Variants in CNTLN observed in about 807,000 individuals in gnomAD.
CNTLN encodes centlein, centrosomal protein.
CNTLN carries 212 observed loss-of-function variants against 180.0 expected under a neutral mutation model. The ratio of observed to expected loss-of-function variants is 1.18; its 90% CI spans 1.05 to 1.32. CNTLN has a LOEUF of 1.32. Among genes scored for constraint, CNTLN ranks in the 40% most tolerant of loss-of-function variants. CNTLN has a pLI of 0.00. For missense variants in CNTLN, 2,095 were observed against 1,610.9 expected (o/e 1.30, Z -5.14); for synonymous variants, 722 against 563.1 (o/e 1.28, Z -3.99).
At chr9:17,347,710 A>C (rs543832193) in intron 12 of CNTLN, among the ~76,000 whole-genome samples, 1 of 151,980 alleles carries the variant, frequency 6.6e-6, no homozygotes, top group South Asian at 2.1e-4. Context: ...GAAAAAGAAA[A>C]TGTATTGAAT....
At chr9:17,188,691 C>T (rs1821591070) in intron 2 of CNTLN, among the ~76,000 whole-genome samples, 1 of 152,048 alleles carries the variant, frequency 6.6e-6, no homozygotes, top group African/African-American at 2.4e-5. Context: ...CTGTTCATCC[C>T]TTCTAGTATA....
intron 3 of CNTLN, among the ~76,000 whole-genome samples, chr9:17,231,870 C>G (rs1368070772): frequency 1.3e-5 from 2 of 150,356 alleles, no homozygotes; most frequent in Non-Finnish European, 3.0e-5. Flanking sequence ...TCTTGTTACT[C>G]TGTAGACTTC....
chr9:17,232,372 G>T (rs1434875333), intron 3 of CNTLN, among the ~76,000 whole-genome samples: 10 of 151,862 alleles, frequency 6.6e-5, no homozygotes, highest in Admixed American at 6.6e-4. Context: ...GATTGAGTCT[G>T]TGTTTGTCCT....
chr9:17,491,693 T>C (rs1206202777), intron 25 of CNTLN, among the ~76,000 whole-genome samples: 2 of 152,142 alleles, frequency 1.3e-5, no homozygotes, highest in African/African-American at 2.4e-5. Context: ...TTTTTGAGAA[T>C]TTAAAGTAAA....
intron 2 of CNTLN, among the ~76,000 whole-genome samples, chr9:17,164,051 C>A (rs1439230213): frequency 6.7e-6 from 1 of 150,188 alleles, no homozygotes; most frequent in Non-Finnish European, 1.5e-5. Flanking sequence ...GTGGCTCACC[C>A]CTGTAATCCC....
At chr9:17,335,520 A>C (rs527299795) in intron 10 of CNTLN, among the ~76,000 whole-genome samples, 14 of 152,126 alleles carry the variant, frequency 9.2e-5, no homozygotes, top group Non-Finnish European at 1.9e-4. Context: ...TGTTTCAAAA[A>C]TTATTTATGT....
chr9:17,459,413 A>C (rs1463099552), intron 19 of CNTLN, among the ~76,000 whole-genome samples: 1 of 151,882 alleles, frequency 6.6e-6, no homozygotes, highest in Non-Finnish European at 1.5e-5. Context: ...AATCTAACAT[A>C]GAGTCTTGGA....
the CNTLN span, among the ~76,000 whole-genome samples, chr9:17,523,425 C>A: frequency 6.6e-6 from 1 of 151,894 alleles, no homozygotes; most frequent in Non-Finnish European, 1.5e-5. Flanking sequence ...TTAGTAGAGA[C>A]GGGGTTTCAT....
At chr9:17,325,556 T>TGC (rs1554689537) in intron 8 of CNTLN, among the ~76,000 whole-genome samples, 39 of 147,536 alleles carry the variant, frequency 2.6e-4, no homozygotes, top group African/African-American at 9.4e-4. Context: ...CAGATTTTAT[T>TGC]ACACACACAC....
rs1321089568 is a variant in CNTLN at position 17,258,458 on chromosome 9, C to T, written c.850-15275C>T. Among the ~76,000 whole-genome samples, 20 of 151,240 alleles carry T rather than the reference C, an allele frequency of 1.3e-4. 1 individual carries two copies. Among genetic ancestry groups the T allele is most frequent in the African/African-American group, 2.7e-4 (11 of 40,648 alleles). ...TTGGCTTAGGATTGACTTGGCGATG[C>T]GGGCTCTCTTTTGGTTCCATATGAA... is the stretch of plus-strand genomic sequence containing the variant. On this transcript the variant is annotated intron_variant, in intron 5 of 25. Transcript: ENST00000380647.
intron 8 of CNTLN, among the ~76,000 whole-genome samples, chr9:17,328,872 G>T (rs963656706): frequency 2.0e-5 from 3 of 151,654 alleles, no homozygotes; most frequent in African/African-American, 7.3e-5. Context: ...ATCCTTTATT[G>T]TTATCAAAAA....
chr9:17,184,525 T>G (rs1563858310), intron 2 of CNTLN, among the ~76,000 whole-genome samples: 1 of 152,140 alleles, frequency 6.6e-6, no homozygotes, highest in African/African-American at 2.4e-5. Flanking sequence ...CAGACACTCT[T>G]TCACTTGAGA....
chr9:17,221,134 T>A (rs1451890427), intron 2 of CNTLN, among the ~76,000 whole-genome samples: 1 of 152,132 alleles, frequency 6.6e-6, no homozygotes, highest in East Asian at 1.9e-4. Flanking sequence ...CCTCCTAATG[T>A]ATATACCTCT....
chr9:17,266,630 C>A (rs574373321), intron 5 of CNTLN, among the ~76,000 whole-genome samples: 1 of 152,036 alleles, frequency 6.6e-6, no homozygotes, highest in Non-Finnish European at 1.5e-5. Flanking sequence ...TTAGTGTTGA[C>A]GGTGGGATGT....
intron 2 of CNTLN, among the ~76,000 whole-genome samples, chr9:17,223,773 G>A (rs1477658401): frequency 3.9e-5 from 6 of 151,930 alleles, no homozygotes; most frequent in African/African-American, 1.2e-4. Flanking sequence ...TCTGCTCATT[G>A]CCTTCCCATT....
intron 19 of CNTLN, among the ~76,000 whole-genome samples, chr9:17,462,326 T>C (rs903194540): frequency 2.0e-5 from 3 of 151,744 alleles, no homozygotes; most frequent in Non-Finnish European, 3.0e-5. Context: ...TTCCACATGA[T>C]ACATCAACTG....
At chr9:17,374,446 C>T (rs1824585846) in intron 13 of CNTLN, among the ~76,000 whole-genome samples, 1 of 152,164 alleles carries the variant, frequency 6.6e-6, no homozygotes, top group South Asian at 2.1e-4. Flanking sequence ...TGGCTCTTAT[C>T]CACAAGACAG....
chr9:17,438,195 AG>A (rs1829891194), intron 18 of CNTLN, among the ~76,000 whole-genome samples: 1 of 152,114 alleles, frequency 6.6e-6, no homozygotes, highest in Non-Finnish European at 1.5e-5. Flanking sequence ...TAAAGCTCTC[AG>A]GTGATTCTGA....
chr9:17,443,938 G>A (rs141518690), intron 18 of CNTLN, among the ~76,000 whole-genome samples: 16 of 152,258 alleles, frequency 1.1e-4, no homozygotes, highest in African/African-American at 2.9e-4. Flanking sequence ...AAAAAGAGAA[G>A]CTTTGGTCAA....
Sources: allele counts gnomAD v4.1 joint callset (sites outside exome capture counted in the v4.1 genomes callset), GRCh38; gene constraint gnomAD v4.1.1; transcripts MANE v1.5; gene names NCBI Gene and HGNC (gene_info 2026-07-23, HGNC 2026-07-21).